Variants in PRKG1 observed in about 807,000 individuals in gnomAD.
The protein encoded by PRKG1 is cGMP-dependent protein kinase 1.
Under a neutral mutation model 88.1 loss-of-function variants are expected in PRKG1, and 35 were observed. The ratio of observed to expected loss-of-function variants is 0.40; its 90% CI spans 0.30 to 0.53. The LOEUF is 0.53. Ranked by LOEUF, PRKG1 falls within the 20% of genes least tolerant of loss-of-function variation. The pLI, the probability that PRKG1 is intolerant of heterozygous loss-of-function variation, is 0.59. For missense variants in PRKG1, 540 were observed against 839.8 expected, an observed-to-expected ratio of 0.64 and a Z score of 4.41; for synonymous variants, 303 against 292.5, an observed-to-expected ratio of 1.04 and a Z score of -0.37.
At chr10:52,161,671 C>T (rs1318248412) in intron 8 of PRKG1, among the ~76,000 whole-genome samples, 1 of 152,054 alleles carries the variant, frequency 6.6e-6, no homozygotes, top group Admixed American at 6.6e-5. Flanking sequence ...GTGTTGGCAA[C>T]TCTATTGGCA....
chr10:51,520,840 T>C (rs1564532978), intron 3 of PRKG1, among the ~76,000 whole-genome samples: 1 of 152,224 alleles, frequency 6.6e-6, no homozygotes, highest in Non-Finnish European at 1.5e-5. Context: ...TTGAAAGTGG[T>C]TAGTACTTGG....
chr10:51,239,054 T>C (rs1292686656), intron 2 of PRKG1, among the ~76,000 whole-genome samples: 4 of 152,074 alleles, frequency 2.6e-5, no homozygotes. Context: ...AAAAATCTTT[T>C]TGGAAAATAA....
chr10:51,708,927 G>A (rs1264032711), intron 3 of PRKG1, among the ~76,000 whole-genome samples: 5 of 152,230 alleles, frequency 3.3e-5, no homozygotes, highest in South Asian at 2.1e-4. Flanking sequence ...ACTGCTGAAT[G>A]TCTATCCTGG....
At chr10:51,752,024 A>G (rs1837738686) in intron 3 of PRKG1, among the ~76,000 whole-genome samples, 3 of 152,158 alleles carry the variant, frequency 2.0e-5, no homozygotes, top group Non-Finnish European at 4.4e-5. Context: ...ACTGATCTTT[A>G]AACCTTTCCT....
chr10:51,763,567 A>T (rs568540021), intron 3 of PRKG1, among the ~76,000 whole-genome samples: 1 of 150,654 alleles, frequency 6.6e-6, no homozygotes, highest in East Asian at 1.9e-4. Context: ...TATATATTTT[A>T]AAACGATGTA....
intron 4 of PRKG1, among the ~76,000 whole-genome samples, chr10:51,848,377 T>C (rs1840458331): frequency 6.6e-6 from 1 of 152,168 alleles, no homozygotes; most frequent in African/African-American, 2.4e-5. Context: ...AAGCAGCCTA[T>C]TTTATGGTTC....
Position 51,453,510 on chromosome 10 carries a change from G to T in PRKG1, c.479-14213G>T, listed in dbSNP as rs539191719. On this transcript the variant is annotated intron_variant, in intron 2 of 17. Coordinates refer to ENST00000373980, the MANE Select transcript of PRKG1 (RefSeq NM_006258.4). ...TATCCCAAAGGTTTTGATAAGTTGT[G>T]TACTATTATCATTCAGTTCAAATAT... is the stretch of plus-strand genomic sequence containing the variant. 3.9e-3 allele frequency among the ~76,000 whole-genome samples: 587 copies of T among 151,910 alleles called. 6 individuals are homozygous for T. The highest frequency in any genetic ancestry group is 0.014 in the African/African-American group (563 of 41,480).
intron 3 of PRKG1, among the ~76,000 whole-genome samples, chr10:51,729,551 AC>A (rs1303709844): frequency 6.6e-6 from 1 of 151,780 alleles, no homozygotes; most frequent in Non-Finnish European, 1.5e-5. Context: ...TACTAAAAAT[AC>A]AAAAATTAGC....
rs115972749 is a variant in PRKG1 at position 51,561,903 on chromosome 10, C to T, written c.592+94067C>T. Among the ~76,000 whole-genome samples, 778 of 151,914 alleles carry T rather than the reference C, an allele frequency of 5.1e-3. 5 individuals carry two copies. The highest frequency in any genetic ancestry group is 0.015 in the African/African-American group (611 of 41,446). On this transcript the variant is annotated intron_variant, in intron 3 of 17. Coordinates refer to ENST00000373980, the MANE Select transcript of PRKG1 (RefSeq NM_006258.4). ...CAAATAGTGCTACTGGCAGGTCTAT[C>T]AGGGAAGTGATATAGAACTGGTTTA... is the stretch of plus-strand genomic sequence containing the variant.
chr10:51,455,150 C>T (rs1364649873), intron 2 of PRKG1, among the ~76,000 whole-genome samples: 3 of 152,236 alleles, frequency 2.0e-5, no homozygotes, highest in Admixed American at 6.5e-5. Context: ...GGCTTGCACC[C>T]TCTGAAGCCA....
intron 7 of PRKG1, among the ~76,000 whole-genome samples, chr10:52,068,890 G>A (rs559810090): frequency 2.2e-4 from 33 of 152,318 alleles, no homozygotes; most frequent in African/African-American, 4.1e-4. Flanking sequence ...TTCTCTGAGA[G>A]TTGGCCCTTT....
At chr10:51,809,949 TCTC>T (rs913540926) in intron 4 of PRKG1, among the ~76,000 whole-genome samples, 95 of 152,242 alleles carry the variant, frequency 6.2e-4, no homozygotes, top group African/African-American at 2.2e-3. Flanking sequence ...TACTGTTTCA[TCTC>T]CTTAGATGCT....
At chr10:51,555,134 G>A (rs1336399645) in intron 3 of PRKG1, among the ~76,000 whole-genome samples, 1 of 151,836 alleles carries the variant, frequency 6.6e-6, no homozygotes, top group Non-Finnish European at 1.5e-5. Flanking sequence ...AGGAATACAA[G>A]GGGGTTGTCA....
At chr10:51,450,867 G>C (rs1203768723) in intron 2 of PRKG1, among the ~76,000 whole-genome samples, 5 of 151,366 alleles carry the variant, frequency 3.3e-5, no homozygotes, top group Admixed American at 6.6e-5. Context: ...AAAAAAAGAT[G>C]CCCCTCATTG....
chr10:51,842,398 T>C (rs1840300028), intron 4 of PRKG1, among the ~76,000 whole-genome samples: 1 of 152,200 alleles, frequency 6.6e-6, no homozygotes, highest in South Asian at 2.1e-4. Flanking sequence ...CTTAAACTAA[T>C]GGAAGCAGAC....
chr10:51,203,485 A>G (rs1837965030), intron 2 of PRKG1, among the ~76,000 whole-genome samples: 1 of 152,154 alleles, frequency 6.6e-6, no homozygotes, highest in Admixed American at 6.5e-5. Context: ...TTTTCTGACT[A>G]AAAACCAAGA....
At position 51,663,702 on chromosome 10, in the gene PRKG1, C is replaced by CA. The variant is rs56804341; in HGVS notation, c.593-140861dup. ...ACTGGGAAACAGTGAGACCCTGTCTCAAAAAAAAAAAAAAAAAAAAAACAC... is the reference window on the plus strand; with the variant it reads ...ACTGGGAAACAGTGAGACCCTGTCTCAAAAAAAAAAAAAAAAAAAAAAACAC... On this transcript the variant is annotated intron_variant, in intron 3 of 17. Coordinates refer to ENST00000373980, the MANE Select transcript of PRKG1 (RefSeq NM_006258.4). Among the ~76,000 whole-genome samples, 606 of 72,076 alleles carry CA rather than the reference C, an allele frequency of 8.4e-3. 6 individuals are homozygous for CA. Among genetic ancestry groups the CA allele is most frequent in the South Asian group, 0.026 (51 of 1,958 alleles). 47.3% of individuals were successfully genotyped at this position (72,076 alleles called of 152,430 possible).
At chr10:51,594,687 C>A (rs1255784081) in intron 3 of PRKG1, among the ~76,000 whole-genome samples, 3 of 152,164 alleles carry the variant, frequency 2.0e-5, no homozygotes, top group Non-Finnish European at 4.4e-5. Context: ...AATCATCAAT[C>A]CAGTTTTGCA....
intron 2 of PRKG1, among the ~76,000 whole-genome samples, chr10:51,163,249 A>G (rs560395142): frequency 2.6e-5 from 4 of 152,360 alleles, no homozygotes; most frequent in East Asian, 1.9e-4. Flanking sequence ...TTGAACAAGA[A>G]CAGTTAAGTT....
Sources: gnomAD v4.1 joint callset for allele counts (sites outside exome capture counted in the v4.1 genomes callset) on GRCh38, gnomAD v4.1.1 for gene constraint, MANE v1.5 for transcripts, NCBI Gene and HGNC (gene_info 2026-07-23, HGNC 2026-07-21) for gene names.